Variants in CPQ observed in about 807,000 individuals in gnomAD.
CPQ encodes the protein carboxypeptidase Q, also known as Ser-Met dipeptidase.
A neutral mutation model predicts 45.7 loss-of-function variants in CPQ; 37 were observed. The observed-to-expected ratio is 0.81, with a 90% CI of 0.62 to 1.07. The LOEUF (loss-of-function observed/expected upper bound fraction) is 1.07, where lower values mean the gene tolerates loss of function less well. Ranked by LOEUF, CPQ falls within the 50% of genes least tolerant of loss-of-function variation. The probability of loss-of-function intolerance (pLI) is 0.00; values close to 1 mark genes in which losing one functional copy is unlikely to be tolerated. For missense variants in CPQ, 537 were observed against 572.9 expected (o/e 0.94, Z 0.64); for synonymous variants, 186 against 205.8 (o/e 0.90, Z 0.82).
At chr8:96,825,982 A>T (rs996840130) in intron 2 of CPQ, among the ~76,000 whole-genome samples, 1 of 152,070 alleles carries the variant, frequency 6.6e-6, no homozygotes, top group Non-Finnish European at 1.5e-5. Flanking sequence ...AAGCAAATAC[A>T]TTTAGGGATG....
intron 7 of CPQ, among the ~76,000 whole-genome samples, chr8:97,137,629 A>G (rs1305091887): frequency 6.6e-6 from 1 of 152,214 alleles, no homozygotes; most frequent in Non-Finnish European, 1.5e-5. Flanking sequence ...CTGTGAGTTC[A>G]TGGCATAAAG....
intron 3 of CPQ, among the ~76,000 whole-genome samples, chr8:96,848,372 A>G (rs1033992012): frequency 3.0e-4 from 46 of 152,202 alleles, no homozygotes; most frequent in African/African-American, 1.1e-3. Flanking sequence ...TAGGGAAGAA[A>G]TTATAACAAT....
intron 7 of CPQ, among the ~76,000 whole-genome samples, chr8:97,079,226 T>A (rs112323227): frequency 1.0e-3 from 155 of 152,320 alleles, no homozygotes; most frequent in African/African-American, 3.5e-3. Flanking sequence ...ATATGATTTA[T>A]GAATTACCTT....
At chr8:96,910,527 C>T (rs572294745) in intron 4 of CPQ, among the ~76,000 whole-genome samples, 35 of 152,158 alleles carry the variant, frequency 2.3e-4, no homozygotes, top group Admixed American at 9.8e-4. Context: ...CTCTTTGAGA[C>T]GGAGTCTCAC....
At chr8:97,093,537 C>G (rs1811159810) in intron 7 of CPQ, among the ~76,000 whole-genome samples, 1 of 152,060 alleles carries the variant, frequency 6.6e-6, no homozygotes, top group African/African-American at 2.4e-5. Flanking sequence ...CATATATACC[C>G]CCTAAACCAA....
chr8:96,878,586 T>C (rs1411084903), intron 3 of CPQ, among the ~76,000 whole-genome samples: 3 of 152,346 alleles, frequency 2.0e-5, no homozygotes, highest in African/African-American at 4.8e-5. Flanking sequence ...CCAGACCTTC[T>C]GTTTTTAACA....
intron 4 of CPQ, among the ~76,000 whole-genome samples, chr8:96,911,063 T>G (rs1812653823): frequency 6.6e-6 from 1 of 152,134 alleles, no homozygotes; most frequent in Admixed American, 6.6e-5. Context: ...CTTTTTATGA[T>G]GTGAATACTA....
In CPQ at chr8:97,143,188, A is replaced by G; in HGVS notation, c.*5A>G. 1 of 1,613,220 alleles carries G rather than the reference A, an allele frequency of 6.2e-7. No homozygotes were observed. Among genetic ancestry groups the G allele is most frequent in the Non-Finnish European group, 8.5e-7 (1 of 1,179,654 alleles). On this transcript the variant is annotated 3_prime_UTR_variant, in exon 8 of 8. Transcript: ENST00000220763. ...GAAATGCTGCCTAGGTCCTAGAAAC[A>G]GTAAGAAAGAAACGTTTTCATGCTT...
chr8:96,976,247 CAAAAAAAAAAAAA>C (rs55864086), intron 5 of CPQ, among the ~76,000 whole-genome samples: 2 of 60,830 alleles, frequency 3.3e-5, no homozygotes, highest in Non-Finnish European at 5.9e-5. Context: ...CAATAGCTGA[CAAAAAAAAAAAAA>C]AAAAAAAAAA....
At chr8:97,009,610 A>G (rs751956444) in intron 5 of CPQ, among the ~76,000 whole-genome samples, 4 of 152,250 alleles carry the variant, frequency 2.6e-5, no homozygotes, top group Admixed American at 6.5e-5. Flanking sequence ...CTTTAAAAAG[A>G]CATACAGGTT....
intron 7 of CPQ, among the ~76,000 whole-genome samples, chr8:97,131,805 T>C (rs1301621584): frequency 6.6e-6 from 1 of 152,230 alleles, no homozygotes; most frequent in Non-Finnish European, 1.5e-5. Flanking sequence ...TAACAGCATC[T>C]TGTAACTGGA....
chr8:97,107,511 G>C (rs1296469788), intron 7 of CPQ, among the ~76,000 whole-genome samples: 1 of 152,208 alleles, frequency 6.6e-6, no homozygotes, highest in Admixed American at 6.5e-5. Flanking sequence ...GTGTAAATCA[G>C]CAAGTCCACC....
At chr8:97,127,711 A>G (rs1586554900) in intron 7 of CPQ, among the ~76,000 whole-genome samples, 1 of 152,210 alleles carries the variant, frequency 6.6e-6, no homozygotes, top group African/African-American at 2.4e-5. Flanking sequence ...AAAAAGAAAA[A>G]GAAATACAAA....
At chr8:96,978,636 A>G (rs1813830415) in intron 5 of CPQ, among the ~76,000 whole-genome samples, 1 of 152,140 alleles carries the variant, frequency 6.6e-6, no homozygotes, top group South Asian at 2.1e-4. Context: ...TTCCTCCCCG[A>G]TGTATGCTTT....
intron 4 of CPQ, among the ~76,000 whole-genome samples, chr8:96,959,482 A>AT (rs1462266268): frequency 6.6e-6 from 1 of 151,606 alleles, no homozygotes; most frequent in African/African-American, 2.4e-5. Flanking sequence ...CCTGTTAGTC[A>AT]TTTTTTTTAA....
chr8:96,794,344 C>G (rs1248293327), intron 2 of CPQ, among the ~76,000 whole-genome samples: 3 of 152,194 alleles, frequency 2.0e-5, no homozygotes, highest in Non-Finnish European at 4.4e-5. Context: ...CCCTCTGAAG[C>G]CGTGGTTCAG....
At position 97,138,136 on chromosome 8, in the gene CPQ, C is replaced by T. The variant is rs1418993400; in HGVS notation, c.1256-4884C>T. On this transcript the variant is annotated intron_variant, in intron 7 of 7. Transcript: ENST00000220763. ...CATCCTCCCAACCACCATGGCTCCA[C>T]ATTTATGAACTACATTCAGTCTATT... Among the ~76,000 whole-genome samples, 3 of 152,312 alleles carry T rather than the reference C, an allele frequency of 2.0e-5. No homozygotes were observed. In the South Asian group the frequency reaches 6.2e-4, roughly 32 times the overall value.
chr8:97,033,573 A>C (rs552759507), intron 6 of CPQ, among the ~76,000 whole-genome samples: 8 of 152,064 alleles, frequency 5.3e-5, no homozygotes, highest in Non-Finnish European at 1.2e-4. Context: ...TAGCCTATGT[A>C]AGTATATTGT....
chr8:96,741,062 C>A (rs62507318), intron 1 of CPQ, among the ~76,000 whole-genome samples: 94 of 148,344 alleles, frequency 6.3e-4, no homozygotes, highest in South Asian at 1.7e-3. Context: ...CCAGTTCCTC[C>A]TTGTACCTCT....
Sources: gnomAD v4.1 joint callset for allele counts (sites outside exome capture counted in the v4.1 genomes callset) on GRCh38, gnomAD v4.1.1 for gene constraint, MANE v1.5 for transcripts, NCBI Gene and HGNC (gene_info 2026-07-23, HGNC 2026-07-21) for gene names.